The following MTAP variants were observed in gnomAD, a reference collection of about 807,000 sequenced individuals.
The protein encoded by MTAP is S-methyl-5'-thioadenosine phosphorylase.
MTAP carries 33 observed loss-of-function variants against 33.6 expected under a neutral mutation model. That is an observed-to-expected ratio of 0.98 (90% CI 0.74 to 1.31). MTAP has a LOEUF of 1.31. Among genes scored for constraint, MTAP ranks in the 40% most tolerant of loss-of-function variants. The pLI, the probability that MTAP is intolerant of heterozygous loss-of-function variation, is 0.00. For missense variants in MTAP, 367 were observed against 360.0 expected (o/e 1.02, Z -0.16); for synonymous variants, 148 against 125.7 (o/e 1.18, Z -1.19).
At chr9:21,897,460 A>G (rs988778893) in intron 1 of MTAP, among the ~76,000 whole-genome samples, 9 of 152,234 alleles carry the variant, frequency 5.9e-5, no homozygotes, top group South Asian at 2.1e-4. Context: ...TGCAGATGAC[A>G]TGATTGTATA....
chr9:21,910,135 T>C (rs1447279968), intron 1 of MTAP, among the ~76,000 whole-genome samples: 1 of 152,140 alleles, frequency 6.6e-6, no homozygotes, highest in Non-Finnish European at 1.5e-5. Flanking sequence ...TTGTATAATA[T>C]CTCCATAAGA....
At chr9:21,819,840 G>T (rs1425627887) in intron 4 of MTAP, among the ~76,000 whole-genome samples, 1 of 152,164 alleles carries the variant, frequency 6.6e-6, no homozygotes, top group Non-Finnish European at 1.5e-5. Context: ...ATTCTAACTG[G>T]TGTGAGATGG....
intron 4 of MTAP, among the ~76,000 whole-genome samples, chr9:21,823,877 C>A (rs1275666777): frequency 6.6e-6 from 1 of 152,138 alleles, no homozygotes; most frequent in Non-Finnish European, 1.5e-5. Flanking sequence ...TCACTGATAC[C>A]CTTTCTTCCA....
chr9:21,930,554 A>C, intron 1 of MTAP: 1 of 305,088 alleles, frequency 3.3e-6, no homozygotes, highest in East Asian at 7.1e-5. Context: ...TATAGCTGGT[A>C]TGGGAACCTA....
intron 5 of MTAP, among the ~76,000 whole-genome samples, chr9:21,839,462 G>A (rs1825190758): frequency 2.0e-5 from 3 of 152,208 alleles, no homozygotes; most frequent in African/African-American, 7.2e-5. Flanking sequence ...GGGGAACTAG[G>A]AGTAGAGGTA....
downstream of MTAP, chr9:21,931,530 C>G (rs1273969810): frequency 5.0e-6 from 1 of 200,960 alleles, no homozygotes; most frequent in Non-Finnish European, 9.9e-6. Flanking sequence ...AGTAAGATCT[C>G]AGGATTTGGG....
At chr9:21,882,902 T>G (rs1019617880) in intron 1 of MTAP, among the ~76,000 whole-genome samples, 31 of 151,984 alleles carry the variant, frequency 2.0e-4, no homozygotes, top group African/African-American at 7.5e-4. Flanking sequence ...AATTTTGGTT[T>G]TCTGTCAAAC....
intron 5 of MTAP, among the ~76,000 whole-genome samples, chr9:21,852,372 G>A (rs1021613610): frequency 1.3e-4 from 20 of 152,032 alleles, no homozygotes; most frequent in Non-Finnish European, 2.6e-4. Flanking sequence ...TTAGCTGGCC[G>A]TGGTGGCGGG....
chr9:21,846,427 A>G (rs1457852440), intron 5 of MTAP, among the ~76,000 whole-genome samples: 1 of 152,172 alleles, frequency 6.6e-6, no homozygotes, highest in African/African-American at 2.4e-5. Context: ...GAAAAAAAAA[A>G]AAGGTCGCTA....
rs1230246547 is a variant in MTAP, at chr9:21,838,011, G to A, written c.450+1G>A. Reference sequence around the variant, plus strand: ...GCCGTTTTGCCCCAAAACGAGAGAGGTGTGTAGTCTTTCTGGAAGGTGTAC... The same window carrying A: ...GCCGTTTTGCCCCAAAACGAGAGAGATGTGTAGTCTTTCTGGAAGGTGTAC... On this transcript the variant is annotated splice_donor_variant, in intron 5 of 7. Transcript: ENST00000644715. LOFTEE classifies it high-confidence loss of function. The A allele has an allele frequency of 6.2e-7, 1 of 1,612,426 alleles. No individual in the cohort carries two copies. Among genetic ancestry groups the A allele is most frequent in the Non-Finnish European group, 8.5e-7 (1 of 1,178,474 alleles).
intron 4 of MTAP, among the ~76,000 whole-genome samples, chr9:21,834,455 C>T (rs540650515): frequency 1.3e-5 from 2 of 152,326 alleles, no homozygotes; most frequent in African/African-American, 4.8e-5. Context: ...TCTTTTAGTT[C>T]TGTAAGTTTG....
At chr9:21,821,797 T>G (rs1824647819) in intron 4 of MTAP, among the ~76,000 whole-genome samples, 1 of 152,248 alleles carries the variant, frequency 6.6e-6, no homozygotes, top group Admixed American at 6.5e-5. Context: ...TTGCCTCAAC[T>G]TCAGAGCCTG....
At chr9:21,813,102 T>C (rs1587199640) in intron 1 of MTAP, among the ~76,000 whole-genome samples, 1 of 152,162 alleles carries the variant, frequency 6.6e-6, no homozygotes, top group Non-Finnish European at 1.5e-5. Flanking sequence ...GGAATGTGGA[T>C]AGAATTGGGC....
intron 6 of MTAP, among the ~76,000 whole-genome samples, chr9:21,857,973 A>T (rs1195506895): frequency 2.0e-5 from 3 of 152,184 alleles, no homozygotes; most frequent in Admixed American, 2.0e-4. Context: ...TTAGAAATTT[A>T]ATCAGATTCA....
intron 1 of MTAP, among the ~76,000 whole-genome samples, chr9:21,904,311 G>C (rs1818440224): frequency 6.6e-6 from 1 of 152,174 alleles, no homozygotes; most frequent in Non-Finnish European, 1.5e-5. Flanking sequence ...GGGTGGTCTT[G>C]GGAAATGCAA....
In MTAP at chr9:21,818,317, C is replaced by CTTTTTTTTTTTTTTTTTTTTTTTTTTT. The variant is rs35709813; in HGVS notation, c.347+116_347+142dup. 6 of 206,102 alleles carry CTTTTTTTTTTTTTTTTTTTTTTTTTTT rather than the reference C, an allele frequency of 2.9e-5. 3 individuals carry two copies. The highest frequency in any genetic ancestry group is 1.7e-4 in the African/African-American group (4 of 23,498). The allele number at this position is 206,102 out of a possible 1,614,324, so 12.8% of individuals were successfully genotyped here. ...GAGGGCAGTGCCACAGACTCGCTTG[C>CTTTTTTTTTTTTTTTTTTTTTTTTTTT]TTTTTTTTTTTTTTTTTTTTTTTTT... On this transcript the variant is annotated intron_variant, in intron 4 of 7. Transcript: ENST00000644715.
chr9:21,827,472 CA>C (rs1205799571), intron 4 of MTAP, among the ~76,000 whole-genome samples: 2 of 152,180 alleles, frequency 1.3e-5, no homozygotes, highest in African/African-American at 4.8e-5. Context: ...TGAAATTGCC[CA>C]TTCTGTAGGT....
intron 1 of MTAP, among the ~76,000 whole-genome samples, chr9:21,814,824 A>G (rs1198093715): frequency 6.6e-6 from 1 of 152,224 alleles, no homozygotes; most frequent in East Asian, 1.9e-4. Context: ...GCATACATAT[A>G]TGAATGATTG....
At chr9:21,834,081 T>C (rs1298339407) in intron 4 of MTAP, among the ~76,000 whole-genome samples, 1 of 152,196 alleles carries the variant, frequency 6.6e-6, no homozygotes, top group Non-Finnish European at 1.5e-5. Context: ...TACCCTTGAT[T>C]TGAGGCCCAT....
Sources: allele counts gnomAD v4.1 joint callset (sites outside exome capture counted in the v4.1 genomes callset), GRCh38; gene constraint gnomAD v4.1.1; transcripts MANE v1.5; gene names NCBI Gene and HGNC (gene_info 2026-07-23, HGNC 2026-07-21).